TRIQK: variants seen among roughly 807,000 people sequenced by gnomAD.
TRIQK encodes the protein triple QxxK/R motif-containing protein.
In TRIQK, 10 loss-of-function variants were observed where a neutral mutation model predicts 10.8. That is an observed-to-expected ratio of 0.92 (90% confidence interval 0.57 to 1.57). The LOEUF is 1.57. Among genes scored for constraint, TRIQK ranks in the 40% most tolerant of loss-of-function variants. TRIQK has a pLI of 0.00. For missense variants in TRIQK, 107 were observed against 97.7 expected, an observed-to-expected ratio of 1.09 and a Z score of -0.40; for synonymous variants, 33 against 33.7, an observed-to-expected ratio of 0.98 and a Z score of 0.07.
At chr8:92,974,881 G>A (rs540397567) in intron 1 of TRIQK, 1 of 152,296 alleles carries the variant, frequency 6.6e-6, no homozygotes, top group African/African-American at 2.4e-5. Context: ...GCCTTGCCTG[G>A]GACCAAGAAT....
intron 3 of TRIQK, among the ~76,000 whole-genome samples, chr8:92,910,004 T>C (rs546387251): frequency 2.6e-5 from 4 of 151,548 alleles, no homozygotes; most frequent in Admixed American, 2.0e-4. Context: ...TCAAGAAAAA[T>C]GATAAAATAC....
At chr8:92,984,288 T>C (rs142706204) in intron 1 of TRIQK, among the ~76,000 whole-genome samples, 76 of 152,272 alleles carry the variant, frequency 5.0e-4, no homozygotes, top group Non-Finnish European at 8.8e-4. Flanking sequence ...TTTAACACTT[T>C]CTTATACTGA....
chr8:92,906,722 CA>C lies in TRIQK; in HGVS notation c.61+10206del, dbSNP rs36073229. 7.5e-3 allele frequency among the ~76,000 whole-genome samples: 955 copies of C among 126,498 alleles called. 5 individuals are homozygous for C. Among genetic ancestry groups the C allele is most frequent in the African/African-American group, 0.022 (753 of 33,754 alleles). The allele number at this position is 126,498 out of a possible 152,430, so 83.0% of individuals were successfully genotyped here. A position where few individuals can be genotyped will look rare whatever the true frequency, so the allele number is the denominator to read the frequency against. ...TAACACGGTGAAATCCCGTCTCTAT[CA>C]AAAAAAAAAAAAAAAAAAATTTAGC... On this transcript the variant is annotated intron_variant, in intron 3 of 4. Transcript: ENST00000521988.
chr8:92,989,681 G>A (rs1159899648), intron 1 of TRIQK, among the ~76,000 whole-genome samples: 1 of 152,088 alleles, frequency 6.6e-6, no homozygotes, highest in Non-Finnish European at 1.5e-5. Context: ...ATATATTACA[G>A]TGTAATAATA....
chr8:92,998,415 G>C (rs563396081), intron 1 of TRIQK, among the ~76,000 whole-genome samples: 20 of 152,062 alleles, frequency 1.3e-4, no homozygotes, highest in Middle Eastern at 3.4e-3. Context: ...TTTGATAATA[G>C]AACAGTTTAC....
chr8:92,895,368 A>C (rs1305173957), intron 3 of TRIQK, among the ~76,000 whole-genome samples: 2 of 147,986 alleles, frequency 1.4e-5, no homozygotes, highest in Non-Finnish European at 2.9e-5. Flanking sequence ...GTGCTGCTAT[A>C]ACAAACACCT....
chr8:93,014,351 A>G (rs1455394417), intron 1 of TRIQK, among the ~76,000 whole-genome samples: 1 of 152,020 alleles, frequency 6.6e-6, no homozygotes, highest in Non-Finnish European at 1.5e-5. Context: ...GTTATTACTA[A>G]CTCTGAATAT....
chr8:92,979,367 A>G (rs1246878166), intron 1 of TRIQK, among the ~76,000 whole-genome samples: 1 of 152,064 alleles, frequency 6.6e-6, no homozygotes, highest in Non-Finnish European at 1.5e-5. Context: ...ATTTTTTCAT[A>G]TATATCCAAT....
chr8:93,009,922 T>C (rs909775949), intron 1 of TRIQK, among the ~76,000 whole-genome samples: 6 of 151,440 alleles, frequency 4.0e-5, no homozygotes, highest in Non-Finnish European at 8.9e-5. Flanking sequence ...AGATATACAA[T>C]GGTATACTAT....
chr8:92,937,876 T>G (rs1811073617), intron 2 of TRIQK, among the ~76,000 whole-genome samples: 1 of 152,012 alleles, frequency 6.6e-6, no homozygotes, highest in Non-Finnish European at 1.5e-5. Flanking sequence ...ATAATATTTT[T>G]GCAGTAAAGA....
intron 1 of TRIQK, among the ~76,000 whole-genome samples, chr8:93,002,994 C>G (rs28846682): frequency 0.27 from 40,619 of 151,662 alleles, 6,309 homozygotes; most frequent in African/African-American, 0.43. Flanking sequence ...CAGCATTACC[C>G]TAATACCAAA....
At chr8:92,888,869 T>C (rs1168695528) in intron 4 of TRIQK, among the ~76,000 whole-genome samples, 1 of 151,636 alleles carries the variant, frequency 6.6e-6, no homozygotes, top group Admixed American at 6.6e-5. Flanking sequence ...AGCAACTCAT[T>C]AACAAATGTA....
intron 2 of TRIQK, among the ~76,000 whole-genome samples, chr8:92,927,721 A>C (rs1170865603): frequency 6.6e-6 from 1 of 152,150 alleles, no homozygotes; most frequent in Non-Finnish European, 1.5e-5. Context: ...GAGGACACAA[A>C]GAAAGACTCA....
intron 1 of TRIQK, among the ~76,000 whole-genome samples, chr8:92,987,400 C>T (rs1457646650): frequency 6.6e-6 from 1 of 152,130 alleles, no homozygotes; most frequent in Non-Finnish European, 1.5e-5. Context: ...AGTTTTCCTC[C>T]AGAGAATGGG....
chr8:92,914,088 T>C (rs1474141641), intron 3 of TRIQK, among the ~76,000 whole-genome samples: 1 of 152,202 alleles, frequency 6.6e-6, no homozygotes, highest in Non-Finnish European at 1.5e-5. Context: ...CTGCACGTTC[T>C]GCACATGTAT....
At chr8:92,922,679 A>C (rs1323567844) in intron 2 of TRIQK, 1 of 151,856 alleles carries the variant, frequency 6.6e-6, no homozygotes, top group Non-Finnish European at 1.5e-5. Context: ...TTATATGTTA[A>C]TATACTTTAC....
At chr8:92,990,743 T>C (rs1813087691) in intron 1 of TRIQK, among the ~76,000 whole-genome samples, 1 of 152,168 alleles carries the variant, frequency 6.6e-6, no homozygotes, top group African/African-American at 2.4e-5. Context: ...GCTTTTCCCA[T>C]GGTCATTGCA....
rs755050962 is a variant in TRIQK, at chr8:93,013,353, T to A, written c.-181+4256A>T. On this transcript the variant is annotated intron_variant, in intron 1 of 4. Coordinates refer to the TRIQK transcript ENST00000520686. ...CTTGCTTAATAGATGGTTAGCTTCT[T>A]GTGGTTAGGAAACATGTCTTATTGA... 1.7e-3 allele frequency among the ~76,000 whole-genome samples: 253 copies of A among 152,298 alleles called. 3 individuals carry two copies. The highest frequency in any genetic ancestry group is 5.8e-3 in the Admixed American group (88 of 15,290).
At chr8:92,985,746 T>TA (rs922927453) in intron 1 of TRIQK, among the ~76,000 whole-genome samples, 6 of 152,130 alleles carry the variant, frequency 3.9e-5, no homozygotes, top group African/African-American at 1.2e-4. Flanking sequence ...TAATTGTTGT[T>TA]AAAAAACTGT....
Sources: allele counts gnomAD v4.1 joint callset (sites outside exome capture counted in the v4.1 genomes callset), GRCh38; gene constraint gnomAD v4.1.1; transcripts MANE v1.5; gene names NCBI Gene and HGNC (gene_info 2026-07-23, HGNC 2026-07-21).